CELSR1: variants seen among roughly 807,000 people sequenced by gnomAD.
CELSR1 encodes the protein cadherin EGF LAG seven-pass G-type receptor 1, also known as adhesion G protein-coupled receptor C1.
A neutral mutation model predicts 249.1 loss-of-function variants in CELSR1; 110 were observed. The observed-to-expected ratio is 0.44, with a 90% CI of 0.38 to 0.52. The LOEUF (loss-of-function observed/expected upper bound fraction) is 0.52. CELSR1 is among the 20% of genes least tolerant of loss of function. CELSR1 has a pLI of 0.00. For synonymous variants in CELSR1, 2,113 were observed against 1,900.0 expected (o/e 1.11, Z -2.92); for missense variants, 4,109 against 4,296.4 (o/e 0.96, Z 1.22).
intron 5 of CELSR1, among the ~76,000 whole-genome samples, chr22:46,420,209 C>T (rs1031238365): frequency 1.3e-5 from 2 of 151,958 alleles, no homozygotes; most frequent in Non-Finnish European, 2.9e-5. Flanking sequence ...TACCCACACT[C>T]GTACATACCC....
Position 46,464,129 on chromosome 22 carries a change from C to G in CELSR1, c.3761G>C (p.Ser1254Thr). 1.2e-6 allele frequency: 2 copies of G among 1,613,858 alleles called. No homozygotes were observed. The highest frequency in any genetic ancestry group is 1.7e-5 in the Admixed American group (1 of 60,028). Reference protein sequence around the residue: ...VFNVQNDTDVSSNILNVTFSA... With the variant: ...VFNVQNDTDVTSNILNVTFSA... The stretch of plus-strand genomic sequence containing the variant: ...GAAGGTCACGTTCAGGATGTTGGAG[C>G]TGACGTCGGTGTCGTTCTGGACGTT... The change falls in exon 2 of 35, where the codon AGC becomes ACC. Residue 1254 changes from serine (S) to threonine (T), a missense_variant. Ser to Thr is a moderately conservative substitution (Grantham distance 58). Around this residue, in one of 7 missense-constraint regions of CELSR1, gnomAD observed 141 missense variants for 209.4 expected, o/e 0.67. Transcript: ENST00000674500. This position sits in a 1 kb window ranked among gnomAD's most constrained non-coding sequence, Gnocchi z 8.5.
chr22:46,523,770 C>T (rs1203920422), intron 1 of CELSR1, among the ~76,000 whole-genome samples: 2 of 152,076 alleles, frequency 1.3e-5, no homozygotes, highest in South Asian at 2.1e-4. Context: ...ATAAGAGCCT[C>T]CAGCTCTGAC....
rs2079553557 is a variant in CELSR1 at position 46,427,916 on chromosome 22, T to C, written c.4611+5477A>G. ...TGGAAGTCCTCGAGTTTTTAGAACATGTGCAGAAACGGAGAAGCTCCCCCG... is the reference window on the plus strand; with the variant it reads ...TGGAAGTCCTCGAGTTTTTAGAACACGTGCAGAAACGGAGAAGCTCCCCCG... On this transcript the variant is annotated intron_variant, in intron 5 of 34. Coordinates refer to ENST00000674500, the MANE Select transcript of CELSR1 (RefSeq NM_001378328.1). The surrounding 1 kb of genome is among the most constrained non-coding windows in gnomAD (Gnocchi z 4.2). Among the ~76,000 whole-genome samples, 1 of 152,076 alleles carries C rather than the reference T, an allele frequency of 6.6e-6. No individual in the cohort carries two copies. The highest frequency in any genetic ancestry group is 2.4e-5 in the African/African-American group (1 of 41,418).
In CELSR1 at chr22:46,448,000, C is replaced by T. The variant is rs986141454; in HGVS notation, c.4184-8589G>A. On this transcript the variant is annotated intron_variant, in intron 2 of 34. Transcript: ENST00000674500. The surrounding 1 kb of genome is among the most constrained non-coding windows in gnomAD (Gnocchi z 4.7). ...CCCTCATGGCCTCATGCACCTGCCCCGCCACTGGGGACCTGTCCCATACCA... is the reference window on the plus strand; with the variant it reads ...CCCTCATGGCCTCATGCACCTGCCCTGCCACTGGGGACCTGTCCCATACCA... 6.6e-6 allele frequency among the ~76,000 whole-genome samples: 1 copy of T among 152,356 alleles called. No homozygotes were observed. The highest frequency in any genetic ancestry group is 1.5e-5 in the Non-Finnish European group (1 of 68,040).
chr22:46,396,563 T>G lies in CELSR1; in HGVS notation c.5843+42A>C. ...ACTGAGTCGAGGGAACACAGCCACA[T>G]GGACTCTGAAGGTGCAGGGAGGCAC... On this transcript the variant is annotated intron_variant, in intron 13 of 34. Coordinates refer to ENST00000674500, the MANE Select transcript of CELSR1 (RefSeq NM_001378328.1). The surrounding 1 kb of genome is among the most constrained non-coding windows in gnomAD (Gnocchi z 6.4). 1 of 1,493,736 alleles carries G rather than the reference T, an allele frequency of 6.7e-7. No homozygotes were observed. The highest frequency in any genetic ancestry group is 8.9e-7 in the Non-Finnish European group (1 of 1,123,628). The allele number at this position is 1,493,736 out of a possible 1,614,324, so 92.5% of individuals were successfully genotyped here.
At chr22:46,496,481 T>C (rs2080414878) in intron 1 of CELSR1, among the ~76,000 whole-genome samples, 1 of 151,876 alleles carries the variant, frequency 6.6e-6, no homozygotes, top group Non-Finnish European at 1.5e-5. Context: ...GGCAGGAAAA[T>C]CACTTGAGCC....
Position 46,453,751 on chromosome 22 carries a change from C to T in CELSR1, c.4183+9956G>A, listed in dbSNP as rs183737923. Among the ~76,000 whole-genome samples the T allele has an allele frequency of 7.3e-3, 1,118 of 152,296 alleles. 9 individuals are homozygous for T. The highest frequency in any genetic ancestry group is 0.025 in the African/African-American group (1,052 of 41,556). ...CGGACTCTCCAGCAGCTCCCAGCAG[C>T]CCTGGGTCCAGATCGTGGCCGGTTA... On this transcript the variant is annotated intron_variant, in intron 2 of 34. Coordinates refer to ENST00000674500, the MANE Select transcript of CELSR1 (RefSeq NM_001378328.1).
chr22:46,483,417 C>A (rs5767218), intron 1 of CELSR1, among the ~76,000 whole-genome samples: 80,653 of 131,320 alleles, frequency 0.61, 25,119 homozygotes, highest in East Asian at 0.93. Flanking sequence ...TTTGAGACAG[C>A]GTCTCGCTCT....
At chr22:46,489,780 A>C (rs2080349785) in intron 1 of CELSR1, among the ~76,000 whole-genome samples, 1 of 151,814 alleles carries the variant, frequency 6.6e-6, no homozygotes, top group Non-Finnish European at 1.5e-5. Flanking sequence ...CTGTAATCCC[A>C]GCTACTCGGG....
chr22:46,364,174 T>C lies in CELSR1; in HGVS notation c.8857A>G (p.Lys2953Glu). ...GGGCTCTGCTCACAGTCGGCCAGCT[T>C]CTCCCGGAGCCGGCCCTTCAGCGTC... is the stretch of plus-strand genomic sequence containing the variant. ...EQTLKGRLRE[K>E]LADCEQSPTS... Residue 2953 changes from lysine to glutamate, a missense_variant, in exon 34 of 35, where the codon AAG becomes GAG. Physicochemically the swap from Lys to Glu is moderately conservative, Grantham distance 56. Around this residue, in one of 7 missense-constraint regions of CELSR1, gnomAD observed 1,805 missense variants for 1,831.6 expected, o/e 0.99. Coordinates refer to ENST00000674500, the MANE Select transcript of CELSR1 (RefSeq NM_001378328.1). The C allele has an allele frequency of 3.1e-6, 5 of 1,612,222 alleles. No individual in the cohort carries two copies. Among genetic ancestry groups the C allele is most frequent in the Non-Finnish European group, 4.2e-6 (5 of 1,179,816 alleles).
chr22:46,410,294 A>G lies in CELSR1; in HGVS notation c.4933+104T>C. On this transcript the variant is annotated intron_variant, in intron 7 of 34. Transcript: ENST00000674500. The surrounding 1 kb of genome is among the most constrained non-coding windows in gnomAD (Gnocchi z 6.8). ...CGCTGGACACATACATTTCTAAGAA[A>G]AACACGGCTCCCCAGGGATCTGCAA... The G allele has an allele frequency of 6.9e-7, 1 of 1,440,756 alleles. No individual in the cohort carries two copies. The highest frequency in any genetic ancestry group is 1.8e-5 in the Admixed American group (1 of 55,178). The allele number at this position is 1,440,756 out of a possible 1,614,324, so 89.2% of individuals were successfully genotyped here.
Position 46,536,658 on chromosome 22 carries a change from G to A in CELSR1, c.513C>T (p.Ile171=). 2.6e-6 allele frequency: 3 copies of A among 1,168,530 alleles called. No homozygotes were observed. The highest frequency in any genetic ancestry group is 3.2e-6 in the Non-Finnish European group (3 of 949,222). The allele number at this position is 1,168,530 out of a possible 1,614,324, so 72.4% of individuals were successfully genotyped here. The stretch of plus-strand genomic sequence containing the variant: ...GGACCGAGCCGCCCGGCGGCAGGCA[G>A]ATGGGACGGCCGGGACAGCGGGGCC... The part of the protein sequence containing the change: ...RPRPRCPGRP[I]CLPPGGSVRL... The change falls in exon 1 of 35, where the codon ATC becomes ATT. Residue 171 remains isoleucine, a synonymous_variant. Coordinates refer to ENST00000674500, the MANE Select transcript of CELSR1 (RefSeq NM_001378328.1).
At chr22:46,455,028 G>A (rs1352208477) in intron 2 of CELSR1, among the ~76,000 whole-genome samples, 1 of 152,208 alleles carries the variant, frequency 6.6e-6, no homozygotes, top group Non-Finnish European at 1.5e-5. Flanking sequence ...CCTGGACAGA[G>A]ACAGACGTGC....
chr22:46,444,892 TC>T (rs2079800092), intron 2 of CELSR1, among the ~76,000 whole-genome samples: 3 of 152,120 alleles, frequency 2.0e-5, no homozygotes, highest in Admixed American at 2.0e-4. Flanking sequence ...GGCCGTCAAA[TC>T]TCCCTCTCCT....
intron 1 of CELSR1, among the ~76,000 whole-genome samples, chr22:46,479,678 G>C (rs1413678295): frequency 6.6e-6 from 1 of 152,150 alleles, no homozygotes; most frequent in Non-Finnish European, 1.5e-5. Context: ...AAACCACTAG[G>C]AAAATATATC....
chr22:46,481,430 G>A (rs1359419986), intron 1 of CELSR1: 5 of 1,552,844 alleles, frequency 3.2e-6, no homozygotes, highest in African/African-American at 1.4e-5. Flanking sequence ...TCCAGCTTCT[G>A]CTTCAACTGA....
chr22:46,418,668 CCCG>C (rs970728053), intron 5 of CELSR1, among the ~76,000 whole-genome samples: 59 of 152,320 alleles, frequency 3.9e-4, no homozygotes, highest in African/African-American at 1.4e-3. Context: ...CGGGCACTGG[CCCG>C]CCATTTCCTC....
At chr22:46,388,853 A>C (rs78396437) in intron 18 of CELSR1, among the ~76,000 whole-genome samples, 1 of 152,026 alleles carries the variant, frequency 6.6e-6, no homozygotes, top group Non-Finnish European at 1.5e-5. Flanking sequence ...GGGAGTGGAC[A>C]TGGGGGCCCA....
Position 46,364,106 on chromosome 22 carries a change from G to C in CELSR1, c.8925C>G (p.Asp2975Glu). ...CAGGGCTCTTGACTGTGATGGCGCA[G>C]TCGGGGCCGCCAGAGCCCAGGGAAG... ...RTSSLGSGGP[D>E]CAITVKSPGR... Residue 2975 changes from aspartate (D) to glutamate (E), a missense_variant, in exon 34 of 35, where the codon GAC becomes GAG. Physicochemically the swap from Asp to Glu is conservative, Grantham distance 45. Transcript: ENST00000674500. 6.2e-7 allele frequency: 1 copy of C among 1,612,310 alleles called. No individual in the cohort carries two copies. Among genetic ancestry groups the C allele is most frequent in the Non-Finnish European group, 8.5e-7 (1 of 1,179,626 alleles).
Sources: gnomAD v4.1 joint callset for allele counts (sites outside exome capture counted in the v4.1 genomes callset) on GRCh38, gnomAD v4.1.1 for gene constraint, gnomAD v4.1.1 regional missense constraint, Gnocchi (gnomAD v3.1) non-coding constraint, MANE v1.5 for transcripts, NCBI Gene and HGNC (gene_info 2026-07-23, HGNC 2026-07-21) for gene names.